Variants in LYPLAL1 observed in about 807,000 individuals in gnomAD.
LYPLAL1 encodes lysophospholipase-like protein 1.
Under a neutral mutation model 19.7 loss-of-function variants are expected in LYPLAL1, and 23 were observed. The ratio of observed to expected loss-of-function variants is 1.17; its 90% CI spans 0.84 to 1.65. LYPLAL1 has a LOEUF of 1.65. Among genes scored for constraint, LYPLAL1 ranks in the 40% most tolerant of loss-of-function variants. The probability of loss-of-function intolerance (pLI) is 0.00; values close to 1 mark genes in which losing one functional copy is unlikely to be tolerated. For synonymous variants in LYPLAL1, 119 were observed against 96.3 expected, an observed-to-expected ratio of 1.24 and a Z score of -1.38; for missense variants, 355 against 279.4, an observed-to-expected ratio of 1.27 and a Z score of -1.93.
At chr1:219,245,742 G>C in the LYPLAL1 span, among the ~76,000 whole-genome samples, 1 of 152,144 alleles carries the variant, frequency 6.6e-6, no homozygotes, top group Non-Finnish European at 1.5e-5. Flanking sequence ...AAGCTATATT[G>C]AATTACATTC....
chr1:219,249,601 C>T, the LYPLAL1 span, among the ~76,000 whole-genome samples: 1 of 151,986 alleles, frequency 6.6e-6, no homozygotes, highest in Non-Finnish European at 1.5e-5. Flanking sequence ...AATAAAATAT[C>T]AAATTATTTT....
chr1:219,373,863 C>CAAAAAA, the LYPLAL1 span, among the ~76,000 whole-genome samples: 15 of 102,202 alleles, frequency 1.5e-4, no homozygotes, highest in Non-Finnish European at 2.4e-4. Context: ...ATAAAATTGT[C>CAAAAAA]AAAAAAAAAA....
chr1:219,228,300 T>C, the LYPLAL1 span, among the ~76,000 whole-genome samples: 2 of 152,132 alleles, frequency 1.3e-5, no homozygotes, highest in South Asian at 2.1e-4. Flanking sequence ...TTACCTACAA[T>C]TGGGGATAGA....
At chr1:219,423,784 A>G in the LYPLAL1 span, among the ~76,000 whole-genome samples, 1 of 152,072 alleles carries the variant, frequency 6.6e-6, no homozygotes, top group Non-Finnish European at 1.5e-5. Flanking sequence ...CAGACACTAT[A>G]CTTAGTAAGT....
chr1:219,285,015 T>A, the LYPLAL1 span, among the ~76,000 whole-genome samples: 1 of 152,192 alleles, frequency 6.6e-6, no homozygotes, highest in Non-Finnish European at 1.5e-5. Flanking sequence ...CACTTAAAAA[T>A]TATACAGTGG....
the LYPLAL1 span, among the ~76,000 whole-genome samples, chr1:219,307,397 A>C: frequency 6.6e-6 from 1 of 152,198 alleles, no homozygotes; most frequent in Admixed American, 6.5e-5. Context: ...CCCTGCATCA[A>C]CTAGAAGAGA....
At chr1:219,306,619 G>C in the LYPLAL1 span, among the ~76,000 whole-genome samples, 1 of 151,926 alleles carries the variant, frequency 6.6e-6, no homozygotes, top group Non-Finnish European at 1.5e-5. Context: ...TTGGACTGGA[G>C]TTACACCATC....
At chr1:219,242,306 G>T in the LYPLAL1 span, among the ~76,000 whole-genome samples, 1 of 152,108 alleles carries the variant, frequency 6.6e-6, no homozygotes, top group African/African-American at 2.4e-5. Flanking sequence ...CCAACCACTG[G>T]TCTCCAACCT....
At chr1:219,376,134 G>A in the LYPLAL1 span, among the ~76,000 whole-genome samples, 5 of 152,162 alleles carry the variant, frequency 3.3e-5, no homozygotes, top group Non-Finnish European at 5.9e-5. Flanking sequence ...ATTTTATCAC[G>A]TAAAGATGGA....
chr1:219,386,677 C>T, the LYPLAL1 span, among the ~76,000 whole-genome samples: 2 of 152,128 alleles, frequency 1.3e-5, no homozygotes, highest in Admixed American at 1.3e-4. Flanking sequence ...TTAGACTCTT[C>T]CTTTTAGATG....
the LYPLAL1 span, among the ~76,000 whole-genome samples, chr1:219,332,052 A>AT: frequency 6.6e-6 from 1 of 152,154 alleles, no homozygotes; most frequent in Non-Finnish European, 1.5e-5. Flanking sequence ...AGATTTGTAA[A>AT]TTTGTGTAAG....
At chr1:219,371,862 A>C in the LYPLAL1 span, among the ~76,000 whole-genome samples, 116 of 152,344 alleles carry the variant, frequency 7.6e-4, 1 homozygote, top group African/African-American at 2.8e-3. Context: ...TCTTTGTTCA[A>C]CTAATCTCTG....
chr1:219,284,947 TCAAC>T, the LYPLAL1 span, among the ~76,000 whole-genome samples: 2 of 152,252 alleles, frequency 1.3e-5, no homozygotes, highest in African/African-American at 4.8e-5. Flanking sequence ...CAGGTAGTGA[TCAAC>T]CAAGAGAAAA....
chr1:219,208,698 ATC>A (rs913936931), intron 3 of LYPLAL1, among the ~76,000 whole-genome samples: 3 of 152,042 alleles, frequency 2.0e-5, no homozygotes, highest in Non-Finnish European at 4.4e-5. Context: ...GGGTTTCAAA[ATC>A]TCAATAATTT....
the LYPLAL1 span, among the ~76,000 whole-genome samples, chr1:219,247,909 G>T: frequency 6.6e-6 from 1 of 151,234 alleles, no homozygotes; most frequent in African/African-American, 2.4e-5. Context: ...GGTAGAGAGG[G>T]TTAAAAAAAA....
chr1:219,393,458 C>A, the LYPLAL1 span, among the ~76,000 whole-genome samples: 1 of 152,104 alleles, frequency 6.6e-6, no homozygotes, highest in Non-Finnish European at 1.5e-5. Context: ...GCACATGACA[C>A]CCAGGGTGAC....
chr1:219,241,573 A>G, the LYPLAL1 span, among the ~76,000 whole-genome samples: 1 of 152,284 alleles, frequency 6.6e-6, no homozygotes, highest in Non-Finnish European at 1.5e-5. Context: ...ATGAGAGTTA[A>G]GACTTCTGAG....
chr1:219,429,102 A>G, the LYPLAL1 span, among the ~76,000 whole-genome samples: 1 of 152,188 alleles, frequency 6.6e-6, no homozygotes, highest in Non-Finnish European at 1.5e-5. Flanking sequence ...TTGTCCATCA[A>G]ACTTTTCATT....
chr1:219,325,365 T>C, the LYPLAL1 span, among the ~76,000 whole-genome samples: 26 of 152,316 alleles, frequency 1.7e-4, no homozygotes, highest in Middle Eastern at 3.4e-3. Context: ...TCGTAGCTCC[T>C]GAAAAAGAAA....
Sources: allele counts gnomAD v4.1 joint callset (sites outside exome capture counted in the v4.1 genomes callset), GRCh38; gene constraint gnomAD v4.1.1; transcripts MANE v1.5; gene names NCBI Gene and HGNC (gene_info 2026-07-23, HGNC 2026-07-21).